IGSF9B: variants seen among roughly 807,000 people sequenced by gnomAD.
IGSF9B encodes protein turtle homolog B.
IGSF9B carries 48 observed loss-of-function variants against 143.7 expected under a neutral mutation model. The ratio of observed to expected loss-of-function variants is 0.33; its 90% CI spans 0.26 to 0.42. The LOEUF is 0.42. IGSF9B is among the 20% of genes least tolerant of loss of function. The pLI, the probability that IGSF9B is intolerant of heterozygous loss-of-function variation, is 1.00. For synonymous variants in IGSF9B, 903 were observed against 833.1 expected, an observed-to-expected ratio of 1.08 and a Z score of -1.44; for missense variants, 1,706 against 1,980.0, an observed-to-expected ratio of 0.86 and a Z score of 2.63.
At position 133,905,336 on chromosome 11, in the gene IGSF9B, G is replaced by A. The variant is rs1464233839; in HGVS notation, c.*3733C>T. Reference sequence around the variant, plus strand: ...TCAGCCCTGGAGATTCAGATCGTGGGCAGTGCCAAAGATGCTGGAGGCTCC... The same window carrying A: ...TCAGCCCTGGAGATTCAGATCGTGGACAGTGCCAAAGATGCTGGAGGCTCC... On this transcript the variant is annotated 3_prime_UTR_variant, in exon 20 of 20. Transcript: ENST00000533871. This position sits in a 1 kb window ranked among gnomAD's most constrained non-coding sequence, Gnocchi z 4.0. Among the ~76,000 whole-genome samples, 1 of 151,944 alleles carries A rather than the reference G, an allele frequency of 6.6e-6. No homozygotes were observed. The highest frequency in any genetic ancestry group is 2.4e-5 in the African/African-American group (1 of 41,342).
Position 133,948,566 on chromosome 11 carries a change from C to G in IGSF9B, c.65-2308G>C, listed in dbSNP as rs1940100394. ...GCAGCCAGGATCACAAAGGCGGATG[C>G]TGGACCAAGAGGAATGGGTGAATAA... On this transcript the variant is annotated intron_variant, in intron 1 of 19. Transcript: ENST00000533871. The surrounding 1 kb of genome is among the most constrained non-coding windows in gnomAD (Gnocchi z 4.7). Among the ~76,000 whole-genome samples, 1 of 151,296 alleles carries G rather than the reference C, an allele frequency of 6.6e-6. No homozygotes were observed. The highest frequency in any genetic ancestry group is 1.5e-5 in the Non-Finnish European group (1 of 67,958).
intron 18 of IGSF9B, among the ~76,000 whole-genome samples, chr11:133,915,571 T>C (rs1227217436): frequency 1.3e-5 from 2 of 152,102 alleles, no homozygotes; most frequent in Non-Finnish European, 2.9e-5. Context: ...AAAAAATCCA[T>C]ACAAAACCCA....
rs569268492 is a variant in IGSF9B at position 133,901,108 on chromosome 11, T to C, written c.*7961A>G. 3.3e-5 allele frequency: 5 copies of C among 152,354 alleles called. No individual in the cohort carries two copies. The highest frequency in any genetic ancestry group is 4.8e-5 in the African/African-American group (2 of 41,574). The allele number at this position is 152,354 out of a possible 1,614,324, so 9.4% of individuals were successfully genotyped here. On this transcript the variant is annotated 3_prime_UTR_variant, in exon 20 of 20. Transcript: ENST00000533871. ...TCCCTCCCAAGTGGCAAGAGACACA[T>C]TGGTCCTGGTTCTTTAGGGCTATCA...
intron 1 of IGSF9B, chr11:133,951,998 AGGAG>A (rs1353839522): frequency 2.2e-6 from 1 of 453,122 alleles, no homozygotes; most frequent in Non-Finnish European, 4.5e-6. Flanking sequence ...ACACACGACC[AGGAG>A]GGAGGCAAGG....
intron 3 of IGSF9B, 58 bp from the exon 4 acceptor site, chr11:133,938,019 A>C (rs1244996568): frequency 6.4e-7 from 1 of 1,568,812 alleles, no homozygotes; most frequent in African/African-American, 1.3e-5. Context: ...CTGCCCTGCA[A>C]CAACAGTACC....
In IGSF9B at chr11:133,911,002, T is replaced by C. The variant is rs192561072; in HGVS notation, c.4105+884A>G. Among the ~76,000 whole-genome samples, 434 of 152,262 alleles carry C rather than the reference T, an allele frequency of 2.9e-3. 3 individuals carry two copies. The highest frequency in any genetic ancestry group is 5.3e-3 in the Non-Finnish European group (361 of 68,020). On this transcript the variant is annotated intron_variant, in intron 19 of 19. Coordinates refer to ENST00000533871, the MANE Select transcript of IGSF9B (RefSeq NM_001277285.4). Reference sequence around the variant, plus strand: ...GTACCAGCCAAAGGCTAAGTGATCATAAGTGATCACCGTCTCCCAGAGATT... The same window carrying C: ...GTACCAGCCAAAGGCTAAGTGATCACAAGTGATCACCGTCTCCCAGAGATT...
chr11:133,935,180 G>A lies in IGSF9B; in HGVS notation c.967+437C>T, dbSNP rs112203626. On this transcript the variant is annotated intron_variant, in intron 7 of 19. Transcript: ENST00000533871. Reference sequence around the variant, plus strand: ...AGCACATCGCCCCCGACACAGACGCGGTGTGGAAAGGCAGGGAGTAAGGCT... The same window carrying A: ...AGCACATCGCCCCCGACACAGACGCAGTGTGGAAAGGCAGGGAGTAAGGCT... 1.9e-3 allele frequency among the ~76,000 whole-genome samples: 285 copies of A among 152,304 alleles called. 1 individual carries two copies. The highest frequency in any genetic ancestry group is 6.5e-3 in the African/African-American group (270 of 41,574).
intron 12 of IGSF9B, among the ~76,000 whole-genome samples, chr11:133,929,253 C>T (rs1441931443): frequency 6.6e-6 from 1 of 152,032 alleles, no homozygotes; most frequent in Non-Finnish European, 1.5e-5. Flanking sequence ...TACCATGTAC[C>T]CACAAAAATT....
At position 133,936,003 on chromosome 11, in the gene IGSF9B, G is replaced by A. The variant is rs146030010; in HGVS notation, c.821+50C>T. The A allele has an allele frequency of 3.2e-3, 5,089 of 1,596,594 alleles. 11 individuals carry two copies. Among genetic ancestry groups the A allele is most frequent in the Admixed American group, 3.9e-3 (229 of 58,708 alleles). On this transcript the variant is annotated intron_variant, in intron 6 of 19. Transcript: ENST00000533871. ...CAATTTCTGCTCAGGGGCCCTGCCCGTGGGGGCTGGGGTGGCAACCTCATT... is the reference window on the plus strand; with the variant it reads ...CAATTTCTGCTCAGGGGCCCTGCCCATGGGGGCTGGGGTGGCAACCTCATT...
chr11:133,912,661 A>G (rs577236196), intron 18 of IGSF9B, among the ~76,000 whole-genome samples: 2 of 152,338 alleles, frequency 1.3e-5, no homozygotes, highest in African/African-American at 4.8e-5. Context: ...CTCCTCGGCC[A>G]TGTAAGAGAA....
At chr11:133,927,352 C>T (rs1342694838) in intron 12 of IGSF9B, among the ~76,000 whole-genome samples, 2 of 152,256 alleles carry the variant, frequency 1.3e-5, no homozygotes, top group Non-Finnish European at 2.9e-5. Flanking sequence ...GCTCAGGACA[C>T]TGGTCAGATG....
At position 133,932,074 on chromosome 11, in the gene IGSF9B, C is replaced by A; in HGVS notation, c.1107G>T (p.Glu369Asp). 1 of 1,612,478 alleles carries A rather than the reference C, an allele frequency of 6.2e-7. No homozygotes were observed. Among genetic ancestry groups the A allele is most frequent in the Non-Finnish European group, 8.5e-7 (1 of 1,178,904 alleles). The stretch of plus-strand genomic sequence containing the variant: ...TCAACATGCATCTCTCTAGCACCTT[C>A]TCAACCTGCAGGGGACGGCCGTCCT... ...WNKDGRPLQV[E>D]KNLGWTLMED... Residue 369 changes from glutamate to aspartate, a missense_variant, in exon 8 of 20, where the codon GAG becomes GAT. This residue lies in a region of IGSF9B where 238 missense variants were observed against 452.6 expected (regional missense o/e 0.53). Coordinates refer to ENST00000533871, the MANE Select transcript of IGSF9B (RefSeq NM_001277285.4).
intron 19 of IGSF9B, among the ~76,000 whole-genome samples, chr11:133,910,956 C>G (rs1307775664): frequency 6.6e-6 from 1 of 152,184 alleles, no homozygotes; most frequent in Non-Finnish European, 1.5e-5. Context: ...GTATTTCCAT[C>G]TGTAAACTGA....
chr11:133,915,180 AAGATG>A (rs918819868), intron 18 of IGSF9B, among the ~76,000 whole-genome samples: 1 of 151,962 alleles, frequency 6.6e-6, no homozygotes, highest in African/African-American at 2.4e-5. Flanking sequence ...GGATTACTCC[AAGATG>A]AGGGCCTCAA....
In IGSF9B at chr11:133,925,721, G is replaced by A. The variant is rs1271132762; in HGVS notation, c.2034+18C>T. 1.2e-6 allele frequency: 2 copies of A among 1,603,184 alleles called. No individual in the cohort carries two copies. The highest frequency in any genetic ancestry group is 1.7e-6 in the Non-Finnish European group (2 of 1,172,136). On this transcript the variant is annotated intron_variant, in intron 14 of 19. Transcript: ENST00000533871. ...CCCGGATTTGGGAAGCAGCAGCAAGGAAGAGCAAAGCCCTCACCTGTGACA... is the reference window on the plus strand; with the variant it reads ...CCCGGATTTGGGAAGCAGCAGCAAGAAAGAGCAAAGCCCTCACCTGTGACA...
chr11:133,926,761 C>T (rs1215886708), intron 13 of IGSF9B, among the ~76,000 whole-genome samples, 155 bp downstream of exon 13: 1 of 152,220 alleles, frequency 6.6e-6, no homozygotes, highest in Admixed American at 6.5e-5. Flanking sequence ...CCACAGAGAC[C>T]ACAACAAATC....
In IGSF9B at chr11:133,909,419, C is replaced by T. The variant is rs1440206191; in HGVS notation, c.4106-142G>A. ...ATCACCTGAGTCTAGAGAGACCAGA[C>T]CGAATTGCTGCAGAGAAACCACCTT... is the stretch of plus-strand genomic sequence containing the variant. On this transcript the variant is annotated intron_variant, in intron 19 of 19. Coordinates refer to ENST00000533871, the MANE Select transcript of IGSF9B (RefSeq NM_001277285.4). This position sits in a 1 kb window ranked among gnomAD's most constrained non-coding sequence, Gnocchi z 4.2. 1.4e-6 allele frequency: 1 copy of T among 704,346 alleles called. No individual in the cohort carries two copies. Among genetic ancestry groups the T allele is most frequent in the Admixed American group, 2.6e-5 (1 of 38,882 alleles). The allele number at this position is 704,346 out of a possible 1,614,324, so 43.6% of individuals were successfully genotyped here.
intron 18 of IGSF9B, among the ~76,000 whole-genome samples, chr11:133,916,289 G>A (rs1401427805): frequency 6.6e-6 from 1 of 152,306 alleles, no homozygotes; most frequent in East Asian, 1.9e-4. Context: ...GAGAAAGGAG[G>A]AGAGGCAGGG....
In IGSF9B at chr11:133,905,672, G is replaced by A. The variant is rs985131431; in HGVS notation, c.*3397C>T. Among the ~76,000 whole-genome samples, 7 of 152,298 alleles carry A rather than the reference G, an allele frequency of 4.6e-5. No homozygotes were observed. The highest frequency in any genetic ancestry group is 4.1e-4 in the South Asian group (2 of 4,826). On this transcript the variant is annotated 3_prime_UTR_variant, in exon 20 of 20. Transcript: ENST00000533871. This position sits in a 1 kb window ranked among gnomAD's most constrained non-coding sequence, Gnocchi z 4.0. ...CCCGCCAGCCTGCTGGGAAAAAGGCGTCCTTCCTGCTAAGAAAGTAGGATC... is the reference window on the plus strand; with the variant it reads ...CCCGCCAGCCTGCTGGGAAAAAGGCATCCTTCCTGCTAAGAAAGTAGGATC...
Sources: gnomAD v4.1 joint callset for allele counts (sites outside exome capture counted in the v4.1 genomes callset) on GRCh38, gnomAD v4.1.1 for gene constraint, gnomAD v4.1.1 regional missense constraint, Gnocchi (gnomAD v3.1) non-coding constraint, MANE v1.5 for transcripts, NCBI Gene and HGNC (gene_info 2026-07-23, HGNC 2026-07-21) for gene names.